Variants in TMEM132C observed in about 807,000 individuals in gnomAD.
TMEM132C encodes transmembrane protein 132C.
Under a neutral mutation model 61.4 loss-of-function variants are expected in TMEM132C, and 29 were observed. The ratio of observed to expected loss-of-function variants is 0.47; its 90% confidence interval spans 0.35 to 0.64. The LOEUF is 0.64. Ranked by LOEUF, TMEM132C falls within the 30% of genes least tolerant of loss-of-function variation. TMEM132C has a pLI of 0.00. For synonymous variants in TMEM132C, 656 were observed against 633.1 expected (o/e 1.04, Z -0.54); for missense variants, 1,408 against 1,476.9 (o/e 0.95, Z 0.76).
chr12:128,319,354 C>CGAGAGAGAGAGAGAGAGAGAGA (rs71449340), intron 1 of TMEM132C, among the ~76,000 whole-genome samples: 3 of 149,286 alleles, frequency 2.0e-5, no homozygotes, highest in African/African-American at 7.4e-5. Flanking sequence ...TTTGCAGTCC[C>CGAGAGAGAGAGAGAGAGAGAGA]GAGAGAGAGA....
chr12:128,373,910 G>A (rs916841018), intron 1 of TMEM132C, among the ~76,000 whole-genome samples: 2 of 152,216 alleles, frequency 1.3e-5, no homozygotes, highest in African/African-American at 4.8e-5. Context: ...TTCCATTCCT[G>A]CAGCAGCTGC....
chr12:128,537,069 C>A (rs1159990996), intron 2 of TMEM132C, among the ~76,000 whole-genome samples: 1 of 152,176 alleles, frequency 6.6e-6, no homozygotes, highest in Admixed American at 6.5e-5. Flanking sequence ...CATGTGTATG[C>A]ACAGCTGAGT....
At position 128,605,113 on chromosome 12, in the gene TMEM132C, TGATAGATA is replaced by T. The variant is rs3044839; in HGVS notation, c.1122-11022_1122-11015del. Among the ~76,000 whole-genome samples the T allele has an allele frequency of 9.6e-3, 1,454 of 151,030 alleles. 23 individuals carry two copies. The highest frequency in any genetic ancestry group is 0.033 in the African/African-American group (1,348 of 40,942). ...ATGGATGGATGAATAGACAGATAAA[TGATAGATA>T]GATAGATAGATAGATACATAGATAC... On this transcript the variant is annotated intron_variant, in intron 3 of 8. Transcript: ENST00000435159.
At chr12:128,587,737 T>C (rs1875602699) in intron 3 of TMEM132C, among the ~76,000 whole-genome samples, 1 of 152,222 alleles carries the variant, frequency 6.6e-6, no homozygotes, top group South Asian at 2.1e-4. Context: ...TTTATTGATT[T>C]TATATTGGCA....
intron 1 of TMEM132C, among the ~76,000 whole-genome samples, chr12:128,402,593 G>T (rs1875199835): frequency 6.6e-6 from 1 of 152,146 alleles, no homozygotes; most frequent in African/African-American, 2.4e-5. Context: ...TCCTGGGAGA[G>T]CCCCAGCCTG....
At chr12:128,659,428 G>C (rs1228492813) in intron 4 of TMEM132C, among the ~76,000 whole-genome samples, 2 of 152,210 alleles carry the variant, frequency 1.3e-5, no homozygotes, top group Non-Finnish European at 2.9e-5. Context: ...CTTTGAATTA[G>C]TGAATAGTAG....
intron 1 of TMEM132C, among the ~76,000 whole-genome samples, chr12:128,324,329 G>A (rs990687814): frequency 7.2e-5 from 11 of 152,132 alleles, no homozygotes; most frequent in African/African-American, 2.7e-4. Context: ...AGTCTCCACC[G>A]GCCTAAAAGG....
chr12:128,356,613 C>A (rs1193218679), intron 1 of TMEM132C, among the ~76,000 whole-genome samples: 1 of 152,164 alleles, frequency 6.6e-6, no homozygotes, highest in Non-Finnish European at 1.5e-5. Flanking sequence ...GGTTCAGCAA[C>A]CGTAATTAGT....
At chr12:128,349,094 C>T (rs527348628) in intron 1 of TMEM132C, among the ~76,000 whole-genome samples, 2 of 152,176 alleles carry the variant, frequency 1.3e-5, no homozygotes, top group Non-Finnish European at 1.5e-5. Context: ...ACATGTGCCT[C>T]CCAGGTTCAA....
intron 4 of TMEM132C, among the ~76,000 whole-genome samples, chr12:128,655,251 T>G (rs73428476): frequency 1.3e-5 from 2 of 152,180 alleles, no homozygotes; most frequent in Non-Finnish European, 2.9e-5. Context: ...GGAGTTGTTA[T>G]ACCGCACTGT....
At chr12:128,477,138 G>T (rs975754750) in intron 2 of TMEM132C, among the ~76,000 whole-genome samples, 2 of 152,180 alleles carry the variant, frequency 1.3e-5, no homozygotes, top group African/African-American at 4.8e-5. Flanking sequence ...TATTGTGAAG[G>T]CTGCCTGGGG....
At chr12:128,661,872 A>G (rs557809021) in intron 4 of TMEM132C, among the ~76,000 whole-genome samples, 1 of 152,380 alleles carries the variant, frequency 6.6e-6, no homozygotes, top group East Asian at 1.9e-4. Flanking sequence ...TAAACTATGT[A>G]AAACGTGCTT....
intron 2 of TMEM132C, among the ~76,000 whole-genome samples, chr12:128,448,185 A>G (rs1363681887): frequency 6.6e-6 from 1 of 152,224 alleles, no homozygotes; most frequent in East Asian, 1.9e-4. Flanking sequence ...TCAAAATCAC[A>G]TAACTAGTAG....
chr12:128,621,353 G>A (rs142248055), intron 4 of TMEM132C, among the ~76,000 whole-genome samples: 1 of 152,302 alleles, frequency 6.6e-6, no homozygotes, highest in African/African-American at 2.4e-5. Context: ...TTTGAGTGGA[G>A]TCCAAATGCA....
chr12:128,275,680 C>T (rs780766552), intron 1 of TMEM132C, among the ~76,000 whole-genome samples: 27 of 152,102 alleles, frequency 1.8e-4, no homozygotes, highest in Non-Finnish European at 2.6e-4. Context: ...GGTTGGGGAC[C>T]ACTGTGCTAA....
At chr12:128,551,617 G>T (rs1464828371) in intron 3 of TMEM132C, among the ~76,000 whole-genome samples, 2 of 152,228 alleles carry the variant, frequency 1.3e-5, no homozygotes, top group African/African-American at 4.8e-5. Context: ...AGAGGATCGA[G>T]CATGAAGCAA....
At chr12:128,461,652 C>A (rs908192228) in intron 2 of TMEM132C, among the ~76,000 whole-genome samples, 1 of 152,162 alleles carries the variant, frequency 6.6e-6, no homozygotes, top group Non-Finnish European at 1.5e-5. Context: ...TGATGTCCAG[C>A]CCACCTCATT....
At chr12:128,581,049 C>T (rs1405913590) in intron 3 of TMEM132C, among the ~76,000 whole-genome samples, 1 of 152,086 alleles carries the variant, frequency 6.6e-6, no homozygotes, top group African/African-American at 2.4e-5. Context: ...AACCTCCCAC[C>T]CTCCAGAAGC....
intron 3 of TMEM132C, among the ~76,000 whole-genome samples, chr12:128,608,625 G>A (rs1218953501): frequency 6.6e-6 from 1 of 152,204 alleles, no homozygotes; most frequent in African/African-American, 2.4e-5. Flanking sequence ...TAATCACAGA[G>A]AGAAAACACT....
Sources: gnomAD v4.1 joint callset for allele counts (sites outside exome capture counted in the v4.1 genomes callset) on GRCh38, gnomAD v4.1.1 for gene constraint, MANE v1.5 for transcripts, NCBI Gene and HGNC (gene_info 2026-07-23, HGNC 2026-07-21) for gene names.